Variants in SPMIP6 observed in about 807,000 individuals in gnomAD.
SPMIP6 encodes the protein sperm microtubule inner protein 6.
chr9:34,380,888 C>G, the SPMIP6 span: 1 of 1,522,316 alleles, frequency 6.6e-7, no homozygotes, highest in Non-Finnish European at 8.8e-7. Context: ...CGGGCGGAGC[C>G]CTGCGAACCT....
the SPMIP6 span, among the ~76,000 whole-genome samples, chr9:34,388,304 C>A: frequency 1.2e-5 from 1 of 85,040 alleles, no homozygotes; most frequent in East Asian, 4.0e-4. Context: ...CCACTCCCAG[C>A]TAATTTTTTT....
chr9:34,386,013 C>T, the SPMIP6 span, among the ~76,000 whole-genome samples: 8,459 of 152,252 alleles, frequency 0.056, 278 homozygotes, highest in East Asian at 0.13. Context: ...TGGGGCCGAG[C>T]GGTGGCCTTA....
At chr9:34,388,674 AATTGTGTCGCC>A in the SPMIP6 span, among the ~76,000 whole-genome samples, 2,911 of 152,108 alleles carry the variant, frequency 0.019, 56 homozygotes, top group East Asian at 0.057. Flanking sequence ...CAGCTTCCAA[AATTGTGTCGCC>A]ATTGCCTCTT....
chr9:34,393,413 T>G, the SPMIP6 span, among the ~76,000 whole-genome samples: 1 of 152,230 alleles, frequency 6.6e-6, no homozygotes, highest in Non-Finnish European at 1.5e-5. Context: ...CTTTATTGTA[T>G]ATAGACCTGA....
chr9:34,395,935 C>G, the SPMIP6 span, among the ~76,000 whole-genome samples: 1 of 152,026 alleles, frequency 6.6e-6, no homozygotes, highest in Admixed American at 6.6e-5. Context: ...TTGTTACAAC[C>G]CTTACTTATT....
chr9:34,385,701 A>T, the SPMIP6 span: 1 of 1,613,656 alleles, frequency 6.2e-7, no homozygotes, highest in African/African-American at 1.3e-5. Flanking sequence ...ACCCCCTATA[A>T]GTGTAGTCCT....
the SPMIP6 span, among the ~76,000 whole-genome samples, chr9:34,392,386 A>G: frequency 6.6e-6 from 1 of 151,810 alleles, no homozygotes; most frequent in Non-Finnish European, 1.5e-5. The surrounding 1 kb of genome is among the most constrained non-coding windows in gnomAD (Gnocchi z 4.6). Flanking sequence ...TTGTAATTAT[A>G]ATATCTTCCT....
chr9:34,381,009 T>C, the SPMIP6 span: 1 of 1,611,138 alleles, frequency 6.2e-7, no homozygotes, highest in Non-Finnish European at 8.5e-7. This position sits in a 1 kb window ranked among gnomAD's most constrained non-coding sequence, Gnocchi z 4.4. Flanking sequence ...GAGCAAGCAC[T>C]TTCGTAACCA....
chr9:34,381,139 C>G, the SPMIP6 span: 2 of 1,574,092 alleles, frequency 1.3e-6, no homozygotes, highest in Non-Finnish European at 1.7e-6. This position sits in a 1 kb window ranked among gnomAD's most constrained non-coding sequence, Gnocchi z 4.4. Flanking sequence ...GCTCTGCTCC[C>G]GCGGGTCCCC....
the SPMIP6 span, among the ~76,000 whole-genome samples, chr9:34,394,205 G>C: frequency 6.6e-6 from 1 of 152,114 alleles, no homozygotes; most frequent in African/African-American, 2.4e-5. Context: ...ACCCAGGCTG[G>C]AGTGCGGTGG....
At chr9:34,381,219 G>A in the SPMIP6 span, 1 of 1,561,878 alleles carries the variant, frequency 6.4e-7, no homozygotes, top group Non-Finnish European at 8.7e-7. The surrounding 1 kb of genome is among the most constrained non-coding windows in gnomAD (Gnocchi z 4.4). Context: ...GTGAGGCGGA[G>A]ACAAAAGCCA....
chr9:34,389,414 T>G, the SPMIP6 span, among the ~76,000 whole-genome samples: 1 of 152,256 alleles, frequency 6.6e-6, no homozygotes, highest in Non-Finnish European at 1.5e-5. Flanking sequence ...CTTCTTTAAG[T>G]GTGTTACAGC....
chr9:34,388,523 A>C, the SPMIP6 span, among the ~76,000 whole-genome samples: 1 of 152,118 alleles, frequency 6.6e-6, no homozygotes, highest in Non-Finnish European at 1.5e-5. Flanking sequence ...AGTTCCAGAG[A>C]AGACTAGGAT....
At chr9:34,381,046 G>C in the SPMIP6 span, 2 of 1,611,918 alleles carry the variant, frequency 1.2e-6, no homozygotes, top group Non-Finnish European at 1.7e-6. This position sits in a 1 kb window ranked among gnomAD's most constrained non-coding sequence, Gnocchi z 4.4. Flanking sequence ...CGGGCAGCGG[G>C]TCCACGCACC....
the SPMIP6 span, chr9:34,380,899 T>G: frequency 6.4e-7 from 1 of 1,564,028 alleles, no homozygotes; most frequent in African/African-American, 1.3e-5. Context: ...CTGCGAACCT[T>G]ACAGTCGGTT....
chr9:34,382,905 C>T, the SPMIP6 span: 2 of 1,281,900 alleles, frequency 1.6e-6, no homozygotes, highest in Non-Finnish European at 2.3e-6. Context: ...AATAGTGTTA[C>T]TTCTTACTCT....
At chr9:34,380,747 G>C in the SPMIP6 span, 4 of 1,548,530 alleles carry the variant, frequency 2.6e-6, no homozygotes, top group Non-Finnish European at 3.5e-6. Context: ...GCCCGAGGGC[G>C]GGACACGGCA....
At chr9:34,380,743 G>A in the SPMIP6 span, 1 of 1,548,590 alleles carries the variant, frequency 6.5e-7, no homozygotes, top group East Asian at 2.4e-5. Flanking sequence ...TGGAGCCCGA[G>A]GGCGGGACAC....
At chr9:34,379,050 C>G in the SPMIP6 span, 3 of 1,346,194 alleles carry the variant, frequency 2.2e-6, no homozygotes, top group Admixed American at 1.7e-5. The surrounding 1 kb of genome is among the most constrained non-coding windows in gnomAD (Gnocchi z 4.2). Flanking sequence ...TATTGCTCTG[C>G]CCCCTTGGCA....
Sources: allele counts gnomAD v4.1 joint callset (sites outside exome capture counted in the v4.1 genomes callset), GRCh38; gene constraint gnomAD v4.1.1; non-coding constraint Gnocchi (gnomAD v3.1); transcripts MANE v1.5; gene names NCBI Gene and HGNC (gene_info 2026-07-23, HGNC 2026-07-21).